DPYSL5: variants seen among roughly 807,000 people sequenced by gnomAD.
The protein encoded by DPYSL5 is dihydropyrimidinase-related protein 5.
A neutral mutation model predicts 58.4 loss-of-function variants in DPYSL5; 9 were observed. The observed-to-expected ratio is 0.15, with a 90% CI of 0.09 to 0.27. The LOEUF is 0.27. Ranked by LOEUF, DPYSL5 falls within the 10% of genes least tolerant of loss-of-function variation. The pLI, the probability that DPYSL5 is intolerant of heterozygous loss-of-function variation, is 1.00. For missense variants in DPYSL5, 499 were observed against 770.6 expected (o/e 0.65, Z 4.17); for synonymous variants, 293 against 301.9 (o/e 0.97, Z 0.31).
chr2:26,898,397 A>C lies in DPYSL5; in HGVS notation c.-4-99A>C. On this transcript the variant is annotated intron_variant, in intron 1 of 12. Coordinates refer to ENST00000288699, the MANE Select transcript of DPYSL5 (RefSeq NM_020134.4). The surrounding 1 kb of genome is among the most constrained non-coding windows in gnomAD (Gnocchi z 6.1). ...GGAAAGTTCCTCCTCTTCTCTGCTC[A>C]CTTACCCTGACCATGGAATTTGGGC... 1 of 1,529,298 alleles carries C rather than the reference A, an allele frequency of 6.5e-7. No homozygotes were observed. The highest frequency in any genetic ancestry group is 8.9e-7 in the Non-Finnish European group (1 of 1,125,516). 94.7% of individuals were successfully genotyped at this position (1,529,298 alleles called of 1,614,324 possible).
chr2:26,910,696 C>T (rs934427962), intron 2 of DPYSL5, among the ~76,000 whole-genome samples: 1 of 141,538 alleles, frequency 7.1e-6, no homozygotes, highest in African/African-American at 2.6e-5. Context: ...CTCAGTTGAT[C>T]TGCCCGCCCC....
Position 26,944,770 on chromosome 2 carries a change from G to T in DPYSL5, c.1555G>T (p.Val519Phe). The T allele has an allele frequency of 1.2e-6, 2 of 1,614,138 alleles. No homozygotes were observed. The highest frequency in any genetic ancestry group is 1.7e-6 in the Non-Finnish European group (2 of 1,180,016). The change falls in exon 12 of 13, where the codon GTC (valine) becomes TTC (phenylalanine). Residue 519 changes from valine to phenylalanine, a missense_variant. Physicochemically the swap from Val to Phe is conservative, Grantham distance 50. This residue lies in a region of DPYSL5 where 62 missense variants were observed against 59.2 expected (regional missense o/e 1.05). Transcript: ENST00000288699. The surrounding 1 kb of genome is among the most constrained non-coding windows in gnomAD (Gnocchi z 4.4). Reference protein sequence around the residue: ...TPLADTPTRPVTRHGGMRDLH... With the variant: ...TPLADTPTRPFTRHGGMRDLH... ...ACTCGCAGACACTCCTACCCGGCCC[G>T]TCACCCGGCATGGGGGCATGAGGGA...
intron 1 of DPYSL5, among the ~76,000 whole-genome samples, chr2:26,860,339 C>T (rs903584370): frequency 2.6e-5 from 4 of 152,184 alleles, no homozygotes; most frequent in African/African-American, 7.2e-5. Flanking sequence ...ACGCCTCTCC[C>T]CTCCTGTGTC....
intron 11 of DPYSL5, among the ~76,000 whole-genome samples, chr2:26,943,093 G>C (rs1289944334): frequency 6.6e-6 from 1 of 151,866 alleles, no homozygotes; most frequent in African/African-American, 2.4e-5. Flanking sequence ...GGGGGCTGGA[G>C]ATGCTGCTTT....
In DPYSL5 at chr2:26,928,302, C is replaced by T. The variant is rs373323972; in HGVS notation, c.648C>T (p.Ile216=). 1.2e-6 allele frequency: 2 copies of T among 1,613,904 alleles called. No individual in the cohort carries two copies. The highest frequency in any genetic ancestry group is 1.1e-5 in the South Asian group (1 of 91,066). ...TGGGGATCACAGGCCCAGAAGGAATCGAGATCAGCCGTCCAGAGGAGGTGA... is the reference window on the plus strand; with the variant it reads ...TGGGGATCACAGGCCCAGAAGGAATTGAGATCAGCCGTCCAGAGGAGGTGA... ...LDLGITGPEG[I]EISRPEELEA... Residue 216 remains isoleucine, a synonymous_variant, in exon 5 of 13, where the codon ATC becomes ATT. Coordinates refer to ENST00000288699, the MANE Select transcript of DPYSL5 (RefSeq NM_020134.4).
chr2:26,907,288 A>AT (rs1664320158), intron 2 of DPYSL5, among the ~76,000 whole-genome samples: 1 of 151,734 alleles, frequency 6.6e-6, no homozygotes, highest in Non-Finnish European at 1.5e-5. Context: ...CTAATTTTGT[A>AT]TTTTTAGTAG....
chr2:26,876,780 C>T (rs532439023), intron 1 of DPYSL5, among the ~76,000 whole-genome samples: 28 of 151,688 alleles, frequency 1.8e-4, no homozygotes, highest in East Asian at 5.9e-4. Context: ...CCTCCCAAAG[C>T]GCTGGTATTA....
chr2:26,950,112 G>A lies in DPYSL5; in HGVS notation c.*3117G>A, dbSNP rs1036679319. 2.6e-5 allele frequency: 4 copies of A among 152,266 alleles called. No homozygotes were observed. The highest frequency in any genetic ancestry group is 5.9e-5 in the Non-Finnish European group (4 of 68,132). 9.4% of individuals were successfully genotyped at this position (152,266 alleles called of 1,614,324 possible). A position where few individuals can be genotyped will look rare whatever the true frequency, so the allele number is the denominator to read the frequency against. On this transcript the variant is annotated 3_prime_UTR_variant, in exon 13 of 13. Transcript: ENST00000288699. This position sits in a 1 kb window ranked among gnomAD's most constrained non-coding sequence, Gnocchi z 5.3. ...TGACCCAGAAGCCACAGAACCACAA[G>A]GAAACCCAAACCCCCTCCAGCTGCT...
At chr2:26,884,942 T>TA (rs543709391) in intron 1 of DPYSL5, among the ~76,000 whole-genome samples, 90 of 152,294 alleles carry the variant, frequency 5.9e-4, no homozygotes, top group Middle Eastern at 3.4e-3. Flanking sequence ...CTCATGCCTG[T>TA]AATCCCAGCA....
chr2:26,917,610 G>C (rs1465606525), intron 2 of DPYSL5, among the ~76,000 whole-genome samples: 1 of 152,176 alleles, frequency 6.6e-6, no homozygotes, highest in Non-Finnish European at 1.5e-5. Flanking sequence ...GATCATCAGA[G>C]AAAGGGCCAA....
At chr2:26,931,167 A>ATGTGTGTGTGTG (rs1320040908) in intron 5 of DPYSL5, among the ~76,000 whole-genome samples, 10 of 54,368 alleles carry the variant, frequency 1.8e-4, no homozygotes, top group Admixed American at 6.0e-4. Flanking sequence ...ATATATATAT[A>ATGTGTGTGTGTG]TATGTGTGTG....
At chr2:26,884,449 T>A (rs1183551282) in intron 1 of DPYSL5, among the ~76,000 whole-genome samples, 5 of 151,868 alleles carry the variant, frequency 3.3e-5, no homozygotes, top group African/African-American at 1.2e-4. Context: ...CGCCCAAGAC[T>A]GGTGCTGTGC....
intron 2 of DPYSL5, among the ~76,000 whole-genome samples, chr2:26,904,304 G>A (rs771300722): frequency 3.9e-5 from 6 of 152,220 alleles, no homozygotes; most frequent in Non-Finnish European, 5.9e-5. Flanking sequence ...CCGCTTGGCA[G>A]GTTGCTTTTG....
chr2:26,879,495 G>A (rs1305258391), intron 1 of DPYSL5, among the ~76,000 whole-genome samples: 1 of 149,386 alleles, frequency 6.7e-6, no homozygotes, highest in Non-Finnish European at 1.5e-5. Context: ...CATTAGCATG[G>A]TCCAGACCTT....
chr2:26,946,617 G>C (rs1384470108), intron 12 of DPYSL5, among the ~76,000 whole-genome samples: 1 of 152,242 alleles, frequency 6.6e-6, no homozygotes, highest in Non-Finnish European at 1.5e-5. Context: ...GCATGTACGA[G>C]AGACTGTATG....
At chr2:26,859,758 C>G (rs879807139) in intron 1 of DPYSL5, among the ~76,000 whole-genome samples, 1 of 152,122 alleles carries the variant, frequency 6.6e-6, no homozygotes, top group Non-Finnish European at 1.5e-5. Flanking sequence ...GCACCCATTG[C>G]TAAGTTTGAG....
chr2:26,896,409 G>A (rs1297499917), intron 1 of DPYSL5, among the ~76,000 whole-genome samples: 1 of 152,138 alleles, frequency 6.6e-6, no homozygotes, highest in Non-Finnish European at 1.5e-5. Flanking sequence ...CCCAGTAGTG[G>A]GATTGCTGGA....
chr2:26,892,396 T>C (rs780612882), intron 1 of DPYSL5, among the ~76,000 whole-genome samples: 1 of 152,240 alleles, frequency 6.6e-6, no homozygotes, highest in Non-Finnish European at 1.5e-5. Context: ...ATCACAGTGC[T>C]CTTTCAGGTT....
intron 1 of DPYSL5, among the ~76,000 whole-genome samples, chr2:26,897,458 A>G (rs1446738863): frequency 3.3e-5 from 5 of 152,252 alleles, no homozygotes; most frequent in Admixed American, 6.5e-5. Flanking sequence ...ATGGTGGATT[A>G]CACTGATTGT....
Sources: allele counts gnomAD v4.1 joint callset (sites outside exome capture counted in the v4.1 genomes callset), GRCh38; gene constraint gnomAD v4.1.1; regional missense constraint gnomAD v4.1.1; non-coding constraint Gnocchi (gnomAD v3.1); transcripts MANE v1.5; gene names NCBI Gene and HGNC (gene_info 2026-07-23, HGNC 2026-07-21).